The following YPEL2 variants were observed in gnomAD, a reference collection of about 807,000 sequenced individuals.
The protein encoded by YPEL2 is yippee like 2.
In YPEL2, 2 loss-of-function variants were observed where a neutral mutation model predicts 19.1. The ratio of observed to expected loss-of-function variants is 0.10; its 90% CI spans 0.04 to 0.33. YPEL2 has a LOEUF of 0.33. YPEL2 is among the 10% of genes least tolerant of loss of function. The probability of loss-of-function intolerance (pLI) is 1.00; values close to 1 mark genes in which losing one functional copy is unlikely to be tolerated. For missense variants in YPEL2, 66 were observed against 140.7 expected (o/e 0.47, Z 2.68); for synonymous variants, 52 against 50.0 (o/e 1.04, Z -0.17).
chr17:59,353,370 G>T lies in YPEL2; in HGVS notation c.-40G>T. ...GCGACCCATCCTGTGGGAGTGCCTC[G>T]TGGGCTGCCCCAGAGTTCACCCCAC... On this transcript the variant is annotated 5_prime_UTR_variant, in exon 2 of 5. Coordinates refer to ENST00000312655, the MANE Select transcript of YPEL2 (RefSeq NM_001005404.4). The surrounding 1 kb of genome is among the most constrained non-coding windows in gnomAD (Gnocchi z 4.8). 4.8e-6 allele frequency: 7 copies of T among 1,466,984 alleles called. No individual in the cohort carries two copies. The highest frequency in any genetic ancestry group is 3.7e-6 in the Non-Finnish European group (4 of 1,074,936). 90.9% of individuals were successfully genotyped at this position (1,466,984 alleles called of 1,614,324 possible).
chr17:59,391,023 G>T, intron 4 of YPEL2, among the ~76,000 whole-genome samples: 1 of 152,264 alleles, frequency 6.6e-6, no homozygotes, highest in African/African-American at 2.4e-5. Context: ...TTTATTATTA[G>T]CAGATTTTTT....
intron 2 of YPEL2, chr17:59,362,960 T>G (rs1029404068): frequency 9.9e-5 from 15 of 152,272 alleles, no homozygotes; most frequent in African/African-American, 3.6e-4. Flanking sequence ...ATGGTAGGGA[T>G]AAGATGATTC....
chr17:59,375,477 C>A (rs951593236), intron 2 of YPEL2, among the ~76,000 whole-genome samples: 1 of 152,154 alleles, frequency 6.6e-6, no homozygotes, highest in Non-Finnish European at 1.5e-5. Context: ...AAATTAGAAT[C>A]ATTCATTCAG....
intron 2 of YPEL2, chr17:59,354,215 A>T (rs2047801234): frequency 6.5e-6 from 1 of 153,046 alleles, no homozygotes; most frequent in Admixed American, 6.5e-5. Context: ...TCCTTCAGGG[A>T]GCGTTCTCAG....
intron 1 of YPEL2, among the ~76,000 whole-genome samples, chr17:59,350,432 G>C (rs888451326): frequency 6.6e-6 from 1 of 152,096 alleles, no homozygotes; most frequent in African/African-American, 2.4e-5. Flanking sequence ...AGAGCAATGG[G>C]GAGCAGAGTG....
chr17:59,341,455 T>G (rs937151030), intron 1 of YPEL2, among the ~76,000 whole-genome samples: 2 of 148,588 alleles, frequency 1.3e-5, no homozygotes, highest in African/African-American at 5.0e-5. Flanking sequence ...AGGTCAGGAG[T>G]TCCAGACCAG....
At position 59,343,066 on chromosome 17, in the gene YPEL2, G is replaced by C. The variant is rs116516408; in HGVS notation, c.-195-10149G>C. 9.0e-3 allele frequency among the ~76,000 whole-genome samples: 1,375 copies of C among 152,286 alleles called. 24 individuals carry two copies. Among genetic ancestry groups the C allele is most frequent in the African/African-American group, 0.031 (1,288 of 41,544 alleles). ...GGCTTGTGTGGTGTGGCTCATCTGG[G>C]TAATTTCATGGCCCTACTGAGTTTC... On this transcript the variant is annotated intron_variant, in intron 1 of 4. Transcript: ENST00000312655.
At chr17:59,359,985 C>T (rs758110634) in intron 2 of YPEL2, among the ~76,000 whole-genome samples, 1 of 152,192 alleles carries the variant, frequency 6.6e-6, no homozygotes, top group Non-Finnish European at 1.5e-5. Flanking sequence ...CTGCAACCTC[C>T]GCCTCCTGAG....
intron 3 of YPEL2, chr17:59,389,134 G>A: frequency 1.8e-6 from 1 of 541,470 alleles, no homozygotes; most frequent in South Asian, 2.7e-5. Flanking sequence ...CAACCATAAA[G>A]ATTATTTCGG....
At chr17:59,380,459 G>A (rs927675041) in intron 2 of YPEL2, among the ~76,000 whole-genome samples, 3 of 147,806 alleles carry the variant, frequency 2.0e-5, no homozygotes, top group East Asian at 4.1e-4. Flanking sequence ...TAGTAGAGAC[G>A]GGGTTTCGCC....
chr17:59,356,286 T>G (rs2047812291), intron 2 of YPEL2: 1 of 139,592 alleles, frequency 7.2e-6, no homozygotes, highest in South Asian at 2.3e-4. Flanking sequence ...ATCTGAAAGC[T>G]TGACATTCGT....
intron 2 of YPEL2, among the ~76,000 whole-genome samples, chr17:59,387,013 T>A (rs1258293347): frequency 6.6e-6 from 1 of 151,960 alleles, no homozygotes; most frequent in African/African-American, 2.4e-5. Flanking sequence ...GTAATCCCAG[T>A]ACTTTGGGAG....
chr17:59,345,864 C>T (rs1434471331), intron 1 of YPEL2, among the ~76,000 whole-genome samples: 2 of 152,154 alleles, frequency 1.3e-5, no homozygotes, highest in Non-Finnish European at 2.9e-5. Flanking sequence ...CTTCTGTCTC[C>T]TGCAGGAGGT....
chr17:59,353,320 A>G lies in YPEL2; in HGVS notation c.-90A>G. On this transcript the variant is annotated 5_prime_UTR_variant, in exon 2 of 5. Coordinates refer to ENST00000312655, the MANE Select transcript of YPEL2 (RefSeq NM_001005404.4). This position sits in a 1 kb window ranked among gnomAD's most constrained non-coding sequence, Gnocchi z 4.8. The stretch of plus-strand genomic sequence containing the variant: ...CACCCGCTGCCAAACCACGGCCTTT[A>G]CCTGTGTCTTCCGGTGTTTCCCGTG... 1 of 942,686 alleles carries G rather than the reference A, an allele frequency of 1.1e-6. No homozygotes were observed. Among genetic ancestry groups the G allele is most frequent in the Non-Finnish European group, 1.6e-6 (1 of 612,952 alleles). 58.4% of individuals were successfully genotyped at this position (942,686 alleles called of 1,614,324 possible).
At chr17:59,380,357 C>G (rs2047942992) in intron 2 of YPEL2, among the ~76,000 whole-genome samples, 1 of 146,504 alleles carries the variant, frequency 6.8e-6, no homozygotes, top group Non-Finnish European at 1.5e-5. Context: ...ACAACCTGTG[C>G]CTCCTAGGTT....
chr17:59,349,611 T>C (rs1319230128), intron 1 of YPEL2, among the ~76,000 whole-genome samples: 1 of 151,998 alleles, frequency 6.6e-6, no homozygotes, highest in East Asian at 1.9e-4. Context: ...CCAAAGTGTC[T>C]GGATTACAGG....
At chr17:59,373,669 A>G (rs567667576) in intron 2 of YPEL2, among the ~76,000 whole-genome samples, 15 of 152,272 alleles carry the variant, frequency 9.9e-5, no homozygotes, top group African/African-American at 3.4e-4. Flanking sequence ...CCCTATCACA[A>G]CATTCTGAGT....
At chr17:59,375,261 T>C (rs1208134042) in intron 2 of YPEL2, among the ~76,000 whole-genome samples, 5 of 152,148 alleles carry the variant, frequency 3.3e-5, no homozygotes, top group Non-Finnish European at 7.4e-5. Flanking sequence ...TGTATGTATG[T>C]TTTCCTTTGA....
At chr17:59,339,233 G>A (rs2047715250) in intron 1 of YPEL2, among the ~76,000 whole-genome samples, 1 of 151,412 alleles carries the variant, frequency 6.6e-6, no homozygotes, top group Non-Finnish European at 1.5e-5. Context: ...TTAACTTTCA[G>A]GACAGGTTAC....
Sources: gnomAD v4.1 joint callset for allele counts (sites outside exome capture counted in the v4.1 genomes callset) on GRCh38, gnomAD v4.1.1 for gene constraint, Gnocchi (gnomAD v3.1) non-coding constraint, MANE v1.5 for transcripts, NCBI Gene and HGNC (gene_info 2026-07-23, HGNC 2026-07-21) for gene names.